The following C8orf34 variants were observed in gnomAD, a reference collection of about 807,000 sequenced individuals.
C8orf34 encodes chromosome 8 open reading frame 34.
In C8orf34, 65 loss-of-function variants were observed where a neutral mutation model predicts 68.3. The observed-to-expected ratio is 0.95, with a 90% CI of 0.78 to 1.17. C8orf34 has a LOEUF of 1.17. Among genes scored for constraint, C8orf34 ranks in the 50% most tolerant of loss-of-function variants. The pLI, the probability that C8orf34 is intolerant of heterozygous loss-of-function variation, is 0.00. For synonymous variants in C8orf34, 244 were observed against 241.2 expected (o/e 1.01, Z -0.11); for missense variants, 664 against 655.4 (o/e 1.01, Z -0.14).
intron 8 of C8orf34, among the ~76,000 whole-genome samples, chr8:68,673,068 G>C (rs540459972): frequency 6.6e-6 from 1 of 152,158 alleles, no homozygotes; most frequent in South Asian, 2.1e-4. Context: ...ACTTCTGGTA[G>C]GATTAATCAT....
chr8:68,534,439 T>C (rs1586335448), intron 7 of C8orf34: 2 of 750,978 alleles, frequency 2.7e-6, no homozygotes, highest in East Asian at 2.6e-4. Context: ...GATCTGTGTT[T>C]GAAGGAATTT....
chr8:68,558,236 A>G (rs1348098509), intron 7 of C8orf34, among the ~76,000 whole-genome samples: 1 of 152,192 alleles, frequency 6.6e-6, no homozygotes. Context: ...TCTATTAGGC[A>G]GTGAAGCTAG....
At chr8:68,547,934 G>A (rs1363251697) in intron 7 of C8orf34, among the ~76,000 whole-genome samples, 2 of 151,816 alleles carry the variant, frequency 1.3e-5, no homozygotes, top group South Asian at 2.1e-4. Context: ...AAGCCACCAA[G>A]GCAATTTGAT....
At chr8:68,516,646 A>ATTTATTTATTTT (rs1814530211) in intron 5 of C8orf34, among the ~76,000 whole-genome samples, 1 of 151,248 alleles carries the variant, frequency 6.6e-6, no homozygotes, top group Non-Finnish European at 1.5e-5. Context: ...TTATTTATTT[A>ATTTATTTATTTT]TTTTTTATTT....
At chr8:68,674,828 T>G (rs1820130474) in intron 8 of C8orf34, among the ~76,000 whole-genome samples, 1 of 151,868 alleles carries the variant, frequency 6.6e-6, no homozygotes, top group Non-Finnish European at 1.5e-5. Flanking sequence ...CAAAGTAAAG[T>G]ATCTCAAGAC....
At chr8:68,334,627 A>G (rs7822588) in intron 1 of C8orf34, among the ~76,000 whole-genome samples, 61,957 of 151,778 alleles carry the variant, frequency 0.41, 12,842 homozygotes, top group Non-Finnish European at 0.45. Context: ...AAGAAGCCAA[A>G]TAGTGGGGAT....
intron 7 of C8orf34, among the ~76,000 whole-genome samples, chr8:68,588,004 TAA>T (rs1316302222): frequency 6.6e-6 from 1 of 152,178 alleles, no homozygotes. Flanking sequence ...GCCATATTTT[TAA>T]AGAGACATTT....
chr8:68,528,429 C>A (rs1815105399), intron 6 of C8orf34, among the ~76,000 whole-genome samples: 1 of 152,200 alleles, frequency 6.6e-6, no homozygotes, highest in Non-Finnish European at 1.5e-5. Context: ...TCTCACCCAC[C>A]TTGTTCTTAA....
upstream of C8orf34, among the ~76,000 whole-genome samples, chr8:68,330,470 C>T (rs375145268): frequency 3.4e-4 from 51 of 152,210 alleles, no homozygotes; most frequent in East Asian, 8.7e-3. Context: ...ACTTCTTTTT[C>T]GCGGCAAACC....
At chr8:68,330,815 A>T, upstream of C8orf34, 1 of 503,784 alleles carries the variant, frequency 2.0e-6, no homozygotes, top group Non-Finnish European at 3.4e-6. Context: ...ACACGCACGC[A>T]CGCACACACA....
At chr8:68,543,323 T>G (rs969685233) in intron 7 of C8orf34, among the ~76,000 whole-genome samples, 2 of 152,124 alleles carry the variant, frequency 1.3e-5, no homozygotes, top group Admixed American at 1.3e-4. Context: ...ATATTAATTT[T>G]GATTATGAAA....
intron 1 of C8orf34, among the ~76,000 whole-genome samples, chr8:68,384,501 G>T (rs1808175080): frequency 6.6e-6 from 1 of 152,084 alleles, no homozygotes; most frequent in Non-Finnish European, 1.5e-5. Context: ...AAGATTAATT[G>T]GTTAATAGTA....
chr8:68,416,027 C>T (rs1809650791), intron 1 of C8orf34, among the ~76,000 whole-genome samples: 1 of 152,034 alleles, frequency 6.6e-6, no homozygotes, highest in Non-Finnish European at 1.5e-5. Flanking sequence ...TTGTTGTGAG[C>T]ATGAAAAAAA....
chr8:68,352,042 C>CT (rs149717197), intron 1 of C8orf34, among the ~76,000 whole-genome samples: 18 of 151,386 alleles, frequency 1.2e-4, no homozygotes, highest in African/African-American at 2.9e-4. Context: ...TTGAATCAGA[C>CT]TTTTTTTTTA....
intron 7 of C8orf34, among the ~76,000 whole-genome samples, chr8:68,544,408 G>A (rs952991047): frequency 6.6e-5 from 10 of 152,124 alleles, no homozygotes; most frequent in African/African-American, 1.2e-4. Context: ...TGAGGAAAGC[G>A]TTTAAATAGA....
intron 1 of C8orf34, among the ~76,000 whole-genome samples, chr8:68,420,166 C>T (rs552842865): frequency 1.1e-4 from 17 of 151,382 alleles, no homozygotes; most frequent in South Asian, 4.2e-4. Flanking sequence ...AAGAGACCAC[C>T]GAGAGGCAAA....
At chr8:68,609,619 G>A (rs1216474514) in intron 7 of C8orf34, among the ~76,000 whole-genome samples, 1 of 152,128 alleles carries the variant, frequency 6.6e-6, no homozygotes, top group African/African-American at 2.4e-5. Context: ...GCTCTATTGA[G>A]AACACAGTGT....
intron 5 of C8orf34, among the ~76,000 whole-genome samples, chr8:68,496,873 C>T (rs1243539511): frequency 6.6e-6 from 1 of 152,104 alleles, no homozygotes; most frequent in African/African-American, 2.4e-5. Context: ...CACATGTGAC[C>T]TACATGTGCA....
At position 68,818,322 on chromosome 8, in the gene C8orf34, T is replaced by C. The variant is rs1311064452; in HGVS notation, c.*76T>C. 1 of 1,437,362 alleles carries C rather than the reference T, an allele frequency of 7.0e-7. No individual in the cohort carries two copies. Among genetic ancestry groups the C allele is most frequent in the Non-Finnish European group, 9.7e-7 (1 of 1,025,752 alleles). 89.0% of individuals were successfully genotyped at this position (1,437,362 alleles called of 1,614,324 possible). On this transcript the variant is annotated 3_prime_UTR_variant, in exon 14 of 14. Transcript: ENST00000518698. ...ATCCTTATGTATAGTTCTAATTTTA[T>C]TTACTATGTGTAATCATTTAGAGAA...
Sources: allele counts gnomAD v4.1 joint callset (sites outside exome capture counted in the v4.1 genomes callset), GRCh38; gene constraint gnomAD v4.1.1; transcripts MANE v1.5; gene names NCBI Gene and HGNC (gene_info 2026-07-23, HGNC 2026-07-21).